Variants in SMIM10L3 observed in about 807,000 individuals in gnomAD.
SMIM10L3 encodes small integral membrane protein 10 like 3.
At chr7:6,337,763 T>A in the SMIM10L3 span, among the ~76,000 whole-genome samples, 3 of 151,684 alleles carry the variant, frequency 2.0e-5, no homozygotes, top group Admixed American at 2.0e-4. Flanking sequence ...TAATAAACTA[T>A]TTAATTCTCT....
At chr7:6,331,054 ATTCTT>A in the SMIM10L3 span, 17 of 1,613,834 alleles carry the variant, frequency 1.1e-5, no homozygotes, top group Non-Finnish European at 1.4e-5. Flanking sequence ...GCCCTCCGGC[ATTCTT>A]TTCTTAAGGC....
the SMIM10L3 span, among the ~76,000 whole-genome samples, chr7:6,336,782 G>A: frequency 6.6e-6 from 1 of 150,960 alleles, no homozygotes; most frequent in African/African-American, 2.4e-5. Context: ...AGCCTCCCAA[G>A]CAGCTGGAAC....
chr7:6,342,928 T>G, the SMIM10L3 span, among the ~76,000 whole-genome samples: 1 of 151,714 alleles, frequency 6.6e-6, no homozygotes. Context: ...CCCCAGCTAC[T>G]CAGAAGGCTG....
chr7:6,344,761 G>T, the SMIM10L3 span, among the ~76,000 whole-genome samples: 1 of 151,940 alleles, frequency 6.6e-6, no homozygotes, highest in Non-Finnish European at 1.5e-5. Flanking sequence ...TTTTTTTGGA[G>T]ACGGAGTCTC....
chr7:6,335,426 G>C, the SMIM10L3 span, among the ~76,000 whole-genome samples: 1 of 150,870 alleles, frequency 6.6e-6, no homozygotes, highest in African/African-American at 2.4e-5. Flanking sequence ...ATGGTGTTTC[G>C]CTATGTTGCC....
chr7:6,331,668 C>G, the SMIM10L3 span, among the ~76,000 whole-genome samples: 2 of 152,088 alleles, frequency 1.3e-5, no homozygotes, highest in East Asian at 3.9e-4. Context: ...GCGTGAGCCA[C>G]CACGCCCGGC....
At chr7:6,331,028 C>T in the SMIM10L3 span, 1 of 1,614,086 alleles carries the variant, frequency 6.2e-7, no homozygotes, top group Non-Finnish European at 8.5e-7. Flanking sequence ...CAGGAGGGTG[C>T]ATCTGCAGGC....
chr7:6,342,437 C>T, the SMIM10L3 span, among the ~76,000 whole-genome samples: 1 of 151,614 alleles, frequency 6.6e-6, no homozygotes, highest in African/African-American at 2.4e-5. Context: ...CCCAGCTACT[C>T]GGGAGGCAGG....
chr7:6,340,965 T>TAAAAA, the SMIM10L3 span, among the ~76,000 whole-genome samples: 8 of 87,438 alleles, frequency 9.1e-5, no homozygotes, highest in East Asian at 3.5e-4. Flanking sequence ...CTGTCTCTAC[T>TAAAAA]AAAAAAAAAA....
chr7:6,347,516 G>A, the SMIM10L3 span, among the ~76,000 whole-genome samples: 1 of 138,470 alleles, frequency 7.2e-6, no homozygotes, highest in African/African-American at 2.6e-5. Flanking sequence ...TCTGTCTCAG[G>A]GAAAAAAAAA....
At chr7:6,333,330 A>G in the SMIM10L3 span, among the ~76,000 whole-genome samples, 1 of 152,110 alleles carries the variant, frequency 6.6e-6, no homozygotes, top group Non-Finnish European at 1.5e-5. Context: ...TTCAGCAAGG[A>G]CAGGATGGCT....
the SMIM10L3 span, chr7:6,331,052 G>A: frequency 1.2e-6 from 2 of 1,613,718 alleles, no homozygotes; most frequent in African/African-American, 2.7e-5. Context: ...GGGCCCTCCG[G>A]CATTCTTTTC....
the SMIM10L3 span, among the ~76,000 whole-genome samples, chr7:6,336,676 T>G: frequency 7.1e-6 from 1 of 140,528 alleles, no homozygotes; most frequent in African/African-American, 2.7e-5. Context: ...CGAGCAAGAC[T>G]TTGTCCAAAA....
the SMIM10L3 span, among the ~76,000 whole-genome samples, chr7:6,347,108 C>A: frequency 6.6e-6 from 1 of 152,154 alleles, no homozygotes; most frequent in African/African-American, 2.4e-5. Context: ...AGGAGGATCA[C>A]TTGAGGCCAG....
At chr7:6,342,743 A>T in the SMIM10L3 span, among the ~76,000 whole-genome samples, 1 of 152,066 alleles carries the variant, frequency 6.6e-6, no homozygotes, top group Non-Finnish European at 1.5e-5. Context: ...ACAAAAACAA[A>T]AGACTAAGCA....
At chr7:6,330,448 T>C in the SMIM10L3 span, 17 of 1,614,202 alleles carry the variant, frequency 1.1e-5, no homozygotes, top group African/African-American at 2.7e-5. Context: ...CTGCAGACCA[T>C]CTGAGGTGCT....
the SMIM10L3 span, among the ~76,000 whole-genome samples, chr7:6,331,782 C>T: frequency 6.8e-5 from 10 of 146,448 alleles, no homozygotes; most frequent in Non-Finnish European, 1.5e-5. Context: ...CTCTTTTTGC[C>T]TAGGCTGGAG....
the SMIM10L3 span, among the ~76,000 whole-genome samples, chr7:6,331,905 T>A: frequency 2.0e-5 from 3 of 152,024 alleles, no homozygotes; most frequent in Non-Finnish European, 4.4e-5. Context: ...CATGCCCAGC[T>A]AATTCATTTT....
the SMIM10L3 span, chr7:6,330,754 C>T: frequency 6.2e-7 from 1 of 1,614,146 alleles, no homozygotes; most frequent in East Asian, 2.2e-5. Flanking sequence ...GGCCCTGGGC[C>T]CTCCTCCCAG....
Sources: gnomAD v4.1 joint callset for allele counts (sites outside exome capture counted in the v4.1 genomes callset) on GRCh38, gnomAD v4.1.1 for gene constraint, MANE v1.5 for transcripts, NCBI Gene and HGNC (gene_info 2026-07-23, HGNC 2026-07-21) for gene names.